The following LNX1 variants were observed in gnomAD, a reference collection of about 807,000 sequenced individuals.
LNX1 encodes the protein E3 ubiquitin-protein ligase LNX.
In LNX1, 54 loss-of-function variants were observed where a neutral mutation model predicts 68.4. The observed-to-expected ratio is 0.79, with a 90% confidence interval of 0.63 to 0.99. LNX1 has a LOEUF of 0.99. Ranked by LOEUF, LNX1 falls within the 50% of genes least tolerant of loss-of-function variation. LNX1 has a pLI of 0.00. For missense variants in LNX1, 906 were observed against 926.4 expected, an observed-to-expected ratio of 0.98 and a Z score of 0.29; for synonymous variants, 336 against 350.0, an observed-to-expected ratio of 0.96 and a Z score of 0.45.
chr4:53,491,635 T>C (rs1346100885), intron 6 of LNX1, among the ~76,000 whole-genome samples: 1 of 152,202 alleles, frequency 6.6e-6, no homozygotes, highest in Non-Finnish European at 1.5e-5. Flanking sequence ...CTTTGGTAAA[T>C]GGTTTGATAA....
intron 1 of LNX1, among the ~76,000 whole-genome samples, chr4:53,581,870 T>C (rs1731860454): frequency 6.6e-6 from 1 of 152,244 alleles, no homozygotes; most frequent in African/African-American, 2.4e-5. Flanking sequence ...AGTGATGATC[T>C]TAAACAATTT....
At chr4:53,613,396 G>A (rs146095724) in intron 2 of LNX1, among the ~76,000 whole-genome samples, 1 of 151,960 alleles carries the variant, frequency 6.6e-6, no homozygotes, top group African/African-American at 2.4e-5. Context: ...AGGATGTGCA[G>A]TTTCATTACA....
rs930092690 is a variant in LNX1 at position 53,496,526 on chromosome 4, A to G, written c.979-132T>C. 5 of 1,137,842 alleles carry G rather than the reference A, an allele frequency of 4.4e-6. No individual in the cohort carries two copies. In the African/African-American group the frequency reaches 6.2e-5, roughly 14 times the overall value. 70.5% of individuals were successfully genotyped at this position (1,137,842 alleles called of 1,614,324 possible). A position where few individuals can be genotyped will look rare whatever the true frequency, so the allele number is the denominator to read the frequency against. On this transcript the variant is annotated intron_variant, in intron 5 of 10. Coordinates refer to ENST00000263925, the MANE Select transcript of LNX1 (RefSeq NM_001126328.3). ...GCTCTCCCACCTCATCCTGTGTCCA[A>G]TAACCGCACCTTCCAACAGCGTTTC...
intron 2 of LNX1, among the ~76,000 whole-genome samples, chr4:53,569,682 G>C (rs1730992922): frequency 6.6e-6 from 1 of 151,076 alleles, no homozygotes; most frequent in Admixed American, 6.6e-5. Context: ...TTAAACTAAA[G>C]AGCTTCTGCA....
chr4:53,609,168 C>T (rs145636095), intron 2 of LNX1, among the ~76,000 whole-genome samples: 2 of 152,136 alleles, frequency 1.3e-5, no homozygotes, highest in East Asian at 1.9e-4. Flanking sequence ...AAAGGACTCC[C>T]GATGTTTATT....
rs535561458 is a variant in LNX1, at chr4:53,526,814, G to A, written c.381-18587C>T. On this transcript the variant is annotated intron_variant, in intron 2 of 10. Transcript: ENST00000263925. Reference sequence around the variant, plus strand: ...GTTGTGAATTCCTTCGACCTCTTCTGTTATATTGTGAGGACCTTAATGGTT... The same window carrying A: ...GTTGTGAATTCCTTCGACCTCTTCTATTATATTGTGAGGACCTTAATGGTT... Among the ~76,000 whole-genome samples, 25 of 151,892 alleles carry A rather than the reference G, an allele frequency of 1.6e-4. No individual in the cohort carries two copies. In the East Asian group the frequency reaches 4.6e-3, roughly 28 times the overall value.
At chr4:53,554,237 C>G (rs1335804606) in intron 2 of LNX1, among the ~76,000 whole-genome samples, 2 of 152,202 alleles carry the variant, frequency 1.3e-5, no homozygotes, top group Non-Finnish European at 2.9e-5. Context: ...GGACTCTCTC[C>G]CCTATATGTA....
chr4:53,651,060 G>C (rs1406820896), intron 1 of LNX1, among the ~76,000 whole-genome samples: 1 of 152,146 alleles, frequency 6.6e-6, no homozygotes, highest in Non-Finnish European at 1.5e-5. Flanking sequence ...GTTAACTGAG[G>C]TACCCCAAAA....
chr4:53,634,653 C>T (rs1306659336), intron 1 of LNX1, among the ~76,000 whole-genome samples: 1 of 152,048 alleles, frequency 6.6e-6, no homozygotes, highest in Non-Finnish European at 1.5e-5. Flanking sequence ...AACCTACTTA[C>T]TACCTCTCAT....
chr4:53,618,282 C>T (rs1733751129), upstream of LNX1, among the ~76,000 whole-genome samples: 1 of 152,074 alleles, frequency 6.6e-6, no homozygotes, highest in Non-Finnish European at 1.5e-5. Context: ...GGACTTGAGC[C>T]TTGGGAAAAG....
chr4:53,522,910 A>G (rs1467206767), intron 2 of LNX1: 1 of 152,224 alleles, frequency 6.6e-6, no homozygotes, highest in African/African-American at 2.4e-5. Flanking sequence ...TTCTATGCAT[A>G]GACACATATA....
At chr4:53,626,136 C>T (rs1195250870) in intron 1 of LNX1, among the ~76,000 whole-genome samples, 1 of 152,088 alleles carries the variant, frequency 6.6e-6, no homozygotes, top group African/African-American at 2.4e-5. Flanking sequence ...AAGTCTGACA[C>T]AAAAGGCCAC....
intron 9 of LNX1, among the ~76,000 whole-genome samples, chr4:53,475,152 T>C (rs1253402290): frequency 1.3e-5 from 2 of 152,238 alleles, no homozygotes; most frequent in Non-Finnish European, 2.9e-5. Flanking sequence ...ATTCGCTTGG[T>C]TGTATTTGGA....
At chr4:53,642,070 A>G (rs1339443646) in intron 1 of LNX1, among the ~76,000 whole-genome samples, 1 of 151,890 alleles carries the variant, frequency 6.6e-6, no homozygotes, top group Non-Finnish European at 1.5e-5. Flanking sequence ...AAAAATAAAA[A>G]CATCAGCCAG....
At chr4:53,558,094 G>T in intron 2 of LNX1, 4 of 1,484,216 alleles carry the variant, frequency 2.7e-6, no homozygotes, top group African/African-American at 1.4e-5. Context: ...ATTTGACTGA[G>T]AACCTTCAGA....
intron 4 of LNX1, among the ~76,000 whole-genome samples, chr4:53,502,527 G>A (rs34028346): frequency 0.12 from 18,118 of 152,198 alleles, 1,399 homozygotes; most frequent in South Asian, 0.22. Flanking sequence ...CTGGTAGAGA[G>A]TCTTGCCTTG....
chr4:53,574,159 G>C, intron 1 of LNX1, 71 bp from the exon 2 acceptor site: 2 of 1,147,424 alleles, frequency 1.7e-6, no homozygotes, highest in Non-Finnish European at 2.4e-6. Context: ...GTAGACATGA[G>C]ACAGGGCTGC....
chr4:53,505,970 C>T (rs1239754037), intron 4 of LNX1, among the ~76,000 whole-genome samples: 1 of 152,128 alleles, frequency 6.6e-6, no homozygotes, highest in Admixed American at 6.5e-5. Context: ...GCTGTTAGAG[C>T]ATGCAGCATG....
intron 1 of LNX1, among the ~76,000 whole-genome samples, chr4:53,584,143 G>T (rs1371729771): frequency 4.0e-5 from 6 of 151,898 alleles, no homozygotes; most frequent in South Asian, 2.1e-4. Context: ...TGTGTGTATG[G>T]TTTTTTTTCT....
Sources: allele counts gnomAD v4.1 joint callset (sites outside exome capture counted in the v4.1 genomes callset), GRCh38; gene constraint gnomAD v4.1.1; transcripts MANE v1.5; gene names NCBI Gene and HGNC (gene_info 2026-07-23, HGNC 2026-07-21).